RNF31: variants seen among roughly 807,000 people sequenced by gnomAD.
The protein encoded by RNF31 is ring finger protein 31, also known as E3 ubiquitin-protein ligase RNF31.
RNF31 carries 38 observed loss-of-function variants against 133.6 expected under a neutral mutation model. The observed-to-expected ratio is 0.28, with a 90% CI of 0.22 to 0.37. The LOEUF is 0.37. Among genes scored for constraint, RNF31 ranks in the 10% least tolerant of loss-of-function variants. RNF31 has a pLI of 1.00. For missense variants in RNF31, 1,118 were observed against 1,394.1 expected (o/e 0.80, Z 3.15); for synonymous variants, 582 against 552.3 (o/e 1.05, Z -0.75).
At position 24,149,443 on chromosome 14, in the gene RNF31, C is replaced by T. The variant is rs1463753577; in HGVS notation, c.669C>T (p.Ala223=). The T allele has an allele frequency of 6.2e-7, 1 of 1,614,152 alleles. No individual in the cohort carries two copies. Residue 223 remains alanine (A), a synonymous_variant, in exon 6 of 21, where the codon GCC becomes GCT. Coordinates refer to ENST00000324103, the MANE Select transcript of RNF31 (RefSeq NM_017999.5). ...TPGPCFLCGS[A]PGTLHCPSCK... ...GTCCCTGCTTCCTCTGTGGTTCTGC[C>T]CCAGGCACACTGCACTGCCCATCCT...
intron 6 of RNF31, 62 bp from the exon 7 acceptor site, chr14:24,149,999 G>C (rs1173522032): frequency 1.8e-5 from 27 of 1,508,862 alleles, no homozygotes; most frequent in South Asian, 5.2e-5. Flanking sequence ...AGAATGCTTA[G>C]AGGTGAGGGA....
Position 24,155,067 on chromosome 14 carries a change from G to A in RNF31, c.2131-90G>A, listed in dbSNP as rs777509308. 1.2e-4 allele frequency: 164 copies of A among 1,320,698 alleles called. No homozygotes were observed. The highest frequency in any genetic ancestry group is 1.5e-4 in the Non-Finnish European group (138 of 947,058). 81.8% of individuals were successfully genotyped at this position (1,320,698 alleles called of 1,614,324 possible). ...CCTGCCCAGTTGTTAATTAGACCCT[G>A]ATTTCTTAGTGGACACCTGGCCACT... On this transcript the variant is annotated intron_variant, in intron 11 of 20. Coordinates refer to ENST00000324103, the MANE Select transcript of RNF31 (RefSeq NM_017999.5). The surrounding 1 kb of genome is among the most constrained non-coding windows in gnomAD (Gnocchi z 4.9).
rs766565788 is a variant in RNF31 at position 24,158,146 on chromosome 14, A to C, written c.2846A>C (p.Asn949Thr). The C allele has an allele frequency of 8.1e-6, 13 of 1,614,252 alleles. No homozygotes were observed. The highest frequency in any genetic ancestry group is 3.3e-4 in the Middle Eastern group (2 of 6,062). ...CCATCTGTCTCTCCTCCTCAGGACA[A>C]TAACGTCATGTTTAATACAGAGCCT... ...ALRLQKLLQD[N>T]NVMFNTEPPA... Residue 949 changes from asparagine (N) to threonine (T), a missense_variant, in exon 18 of 21, where the codon AAT becomes ACT. Around this residue, in one of 3 missense-constraint regions of RNF31, gnomAD observed 170 missense variants for 194.5 expected, o/e 0.87. Transcript: ENST00000324103.
intron 18 of RNF31, among the ~76,000 whole-genome samples, chr14:24,159,272 G>A (rs1169560671): frequency 1.7e-4 from 25 of 151,110 alleles, no homozygotes; most frequent in Admixed American, 8.6e-4. Context: ...ACTTGAACCC[G>A]GGAGGTGGAG....
At position 24,160,354 on chromosome 14, in the gene RNF31, C is replaced by T; in HGVS notation, c.3112C>T (p.Pro1038Ser). Residue 1038 changes from proline to serine, a missense_variant, in exon 20 of 21, where the codon CCC becomes TCC. This residue lies in a region of RNF31 where 170 missense variants were observed against 194.5 expected (regional missense o/e 0.87). Transcript: ENST00000324103. The surrounding 1 kb of genome is among the most constrained non-coding windows in gnomAD (Gnocchi z 4.0). ...CACTGAGCGCTACCTGCACGTACGC[C>T]CCCAGCCTTTGGCTGGAGAGGATCC... ...TATERYLHVR[P>S]QPLAGEDPPA... 6.2e-7 allele frequency: 1 copy of T among 1,614,198 alleles called. No individual in the cohort carries two copies. The highest frequency in any genetic ancestry group is 1.6e-4 in the Middle Eastern group (1 of 6,062).
chr14:24,150,250 G>A lies in RNF31; in HGVS notation c.999G>A (p.Gly333=), dbSNP rs529364507. Reference sequence around the variant, plus strand: ...GGCCCCGAGGCTGTAAGGGGTTGGGGTTGGGAACTGAGGGTCCCCAAGGAA... The same window carrying A: ...GGCCCCGAGGCTGTAAGGGGTTGGGATTGGGAACTGAGGGTCCCCAAGGAA... ...CDRPRGCKGL[G]LGTEGPQGTG... Residue 333 remains glycine (G), a synonymous_variant, in exon 7 of 21, where the codon GGG becomes GGA. Coordinates refer to ENST00000324103, the MANE Select transcript of RNF31 (RefSeq NM_017999.5). 50 of 1,614,204 alleles carry A rather than the reference G, an allele frequency of 3.1e-5. No homozygotes were observed. Among genetic ancestry groups the A allele is most frequent in the South Asian group, 1.9e-4 (17 of 91,084 alleles).
chr14:24,151,929 C>T lies in RNF31; in HGVS notation c.2067C>T (p.Ala689=). Residue 689 remains alanine, a synonymous_variant, in exon 11 of 21, where the codon GCC becomes GCT. Transcript: ENST00000324103. This position sits in a 1 kb window ranked among gnomAD's most constrained non-coding sequence, Gnocchi z 5.3. ...VEAVRHSQDR[A]FLRRLLAQEC... is the part of the protein sequence containing the mutation. ...CTGTGAGGCACAGCCAGGACCGGGC[C>T]TTCCTGCGCCGCTTGCTTGCCCAGG... The T allele has an allele frequency of 3.1e-6, 5 of 1,614,216 alleles. No individual in the cohort carries two copies. The highest frequency in any genetic ancestry group is 2.2e-5 in the South Asian group (2 of 91,088).
In RNF31 at chr14:24,158,150, C is replaced by T. The variant is rs774509745; in HGVS notation, c.2850C>T (p.Asn950=). ...LRLQKLLQDN[N]VMFNTEPPAG... is the part of the protein sequence containing the mutation. ...CTGTCTCTCCTCCTCAGGACAATAA[C>T]GTCATGTTTAATACAGAGCCTCCAG... Residue 950 remains asparagine, a synonymous_variant, in exon 18 of 21, where the codon AAC becomes AAT. Transcript: ENST00000324103. 1.5e-5 allele frequency: 24 copies of T among 1,614,104 alleles called. No homozygotes were observed. Among genetic ancestry groups the T allele is most frequent in the Middle Eastern group, 3.3e-4 (2 of 6,084 alleles).
At chr14:24,154,504 C>T (rs978447933) in intron 11 of RNF31, among the ~76,000 whole-genome samples, 3 of 152,304 alleles carry the variant, frequency 2.0e-5, no homozygotes, top group Admixed American at 2.0e-4. Context: ...TCTCGAACTC[C>T]TAGCCTCAAG....
intron 14 of RNF31, among the ~76,000 whole-genome samples, chr14:24,156,415 C>G (rs897952250): frequency 6.6e-6 from 1 of 152,232 alleles, no homozygotes; most frequent in Non-Finnish European, 1.5e-5. Flanking sequence ...AGTGATCCCT[C>G]GCCTCAGCCT....
chr14:24,147,114 C>A (rs924796159), upstream of RNF31: 126 of 170,356 alleles, frequency 7.4e-4, no homozygotes, highest in Non-Finnish European at 1.8e-4. Context: ...CAGGACAGAC[C>A]GGAGATGGGG....
chr14:24,150,958 A>G, intron 8 of RNF31, 70 bp downstream of exon 8: 1 of 1,517,218 alleles, frequency 6.6e-7, no homozygotes, highest in Non-Finnish European at 8.9e-7. Context: ...GGTGGTTAAT[A>G]GTTTCTATGA....
rs1205358009 is a variant in RNF31, at chr14:24,151,107, C to A, written c.1489-24C>A. The A allele has an allele frequency of 6.2e-7, 1 of 1,610,672 alleles. No homozygotes were observed. Among genetic ancestry groups the A allele is most frequent in the African/African-American group, 1.3e-5 (1 of 74,868 alleles). On this transcript the variant is annotated intron_variant, in intron 8 of 20. Transcript: ENST00000324103. The surrounding 1 kb of genome is among the most constrained non-coding windows in gnomAD (Gnocchi z 5.3). ...TGAGGGTGGGTGAAGGGTGCCCCTC[C>A]TGATGGGCGGGACTGTGCCTTAGGA...
chr14:24,154,251 G>A (rs2038310236), intron 11 of RNF31, among the ~76,000 whole-genome samples: 1 of 151,914 alleles, frequency 6.6e-6, no homozygotes, highest in African/African-American at 2.4e-5. Flanking sequence ...TCCGCCTCCC[G>A]AGTTCAAGTG....
intron 18 of RNF31, 86 bp from the exon 19 acceptor site, chr14:24,159,778 C>T: frequency 9.4e-7 from 1 of 1,060,570 alleles, no homozygotes; most frequent in Non-Finnish European, 1.4e-6. Context: ...TTGGAGGCTG[C>T]CTTCCCTGCC....
In RNF31 at chr14:24,148,715, G is replaced by C; in HGVS notation, c.555+14G>C. On this transcript the variant is annotated intron_variant, in intron 4 of 20. Transcript: ENST00000324103. The stretch of plus-strand genomic sequence containing the variant: ...GTTGAAGATGATGTAAGGAAGGCAG[G>C]AAAGGGGCTGGTGTACAAAGGAAAC... 6.2e-7 allele frequency: 1 copy of C among 1,614,136 alleles called. No homozygotes were observed. The highest frequency in any genetic ancestry group is 8.5e-7 in the Non-Finnish European group (1 of 1,179,970).
chr14:24,152,848 A>C (rs1217227356), intron 11 of RNF31, among the ~76,000 whole-genome samples: 2 of 152,176 alleles, frequency 1.3e-5, no homozygotes, highest in African/African-American at 4.8e-5. Context: ...TTGGGAGGCC[A>C]AGGCAGGCCG....
chr14:24,150,521 G>T lies in RNF31; in HGVS notation c.1197+73G>T, dbSNP rs368087674. Reference sequence around the variant, plus strand: ...CTTCCCTATCCCATGTTTTCCTTCAGTTCCTCCCAACTCCCTGTATTTCTG... The same window carrying T: ...CTTCCCTATCCCATGTTTTCCTTCATTTCCTCCCAACTCCCTGTATTTCTG... On this transcript the variant is annotated intron_variant, in intron 7 of 20. Transcript: ENST00000324103. The T allele has an allele frequency of 5.7e-6, 9 of 1,575,516 alleles. No homozygotes were observed. The African/African-American group carries it at 6.7e-5, about 12-fold the overall frequency.
In RNF31 at chr14:24,155,470, G is replaced by A. The variant is rs764277158; in HGVS notation, c.2361G>A (p.Glu787=). 9 of 1,614,098 alleles carry A rather than the reference G, an allele frequency of 5.6e-6. No individual in the cohort carries two copies. Among genetic ancestry groups the A allele is most frequent in the African/African-American group, 2.7e-5 (2 of 74,934 alleles). The change falls in exon 13 of 21, where the codon GAG becomes GAA. Residue 787 remains glutamate (E), a synonymous_variant. Coordinates refer to ENST00000324103, the MANE Select transcript of RNF31 (RefSeq NM_017999.5). The surrounding 1 kb of genome is among the most constrained non-coding windows in gnomAD (Gnocchi z 4.9). ...AYALFHKKLT[E]GVLMRDPKFL... is the part of the protein sequence containing the mutation. ...CGTTGTTCCATAAGAAGCTGACCGA[G>A]GGTGTGCTGATGCGGGACCCCAAGT...
Sources: allele counts gnomAD v4.1 joint callset (sites outside exome capture counted in the v4.1 genomes callset), GRCh38; gene constraint gnomAD v4.1.1; regional missense constraint gnomAD v4.1.1; non-coding constraint Gnocchi (gnomAD v3.1); transcripts MANE v1.5; gene names NCBI Gene and HGNC (gene_info 2026-07-23, HGNC 2026-07-21).